Variants in PRRC1 observed in about 807,000 individuals in gnomAD.
The protein encoded by PRRC1 is proline rich coiled-coil 1.
In PRRC1, 39 loss-of-function variants were observed where a neutral mutation model predicts 40.7. The observed-to-expected ratio is 0.96, with a 90% CI of 0.74 to 1.25. The LOEUF (loss-of-function observed/expected upper bound fraction) is 1.25. Among genes scored for constraint, PRRC1 ranks in the 50% most tolerant of loss-of-function variants. The probability of loss-of-function intolerance (pLI) is 0.00; values close to 1 mark genes in which losing one functional copy is unlikely to be tolerated. For synonymous variants in PRRC1, 175 were observed against 193.3 expected, an observed-to-expected ratio of 0.91 and a Z score of 0.79; for missense variants, 573 against 548.3, an observed-to-expected ratio of 1.05 and a Z score of -0.45.
At position 127,553,838 on chromosome 5, in the gene PRRC1, A is replaced by C; in HGVS notation, c.*1922A>C. Reference sequence around the variant, plus strand: ...AATCCCCAAAGAGCAGTGGCAGTCCATGGCTTGGTTGAAGCTAGAAATTTT... The same window carrying C: ...AATCCCCAAAGAGCAGTGGCAGTCCCTGGCTTGGTTGAAGCTAGAAATTTT... On this transcript the variant is annotated 3_prime_UTR_variant, in exon 9 of 9. Transcript: ENST00000296666. 6.5e-7 allele frequency: 1 copy of C among 1,535,872 alleles called. No individual in the cohort carries two copies. The highest frequency in any genetic ancestry group is 8.7e-7 in the Non-Finnish European group (1 of 1,146,712).
chr5:127,533,485 G>C (rs1262246128), intron 5 of PRRC1, 138 bp from the exon 6 acceptor site: 1 of 781,616 alleles, frequency 1.3e-6, no homozygotes, highest in African/African-American at 1.8e-5. Context: ...ATATAAAAAA[G>C]ATAATGATCT....
At chr5:127,526,842 G>A in intron 4 of PRRC1, 64 bp downstream of exon 4, 1 of 1,255,528 alleles carries the variant, frequency 8.0e-7, no homozygotes, top group Non-Finnish European at 1.1e-6. Flanking sequence ...ATTCATTAGA[G>A]AAAATATTGA....
intron 1 of PRRC1, among the ~76,000 whole-genome samples, chr5:127,520,460 A>G (rs969248502): frequency 6.6e-6 from 1 of 152,258 alleles, no homozygotes; most frequent in African/African-American, 2.4e-5. Context: ...ACATTTATAC[A>G]ATGGAATACT....
intron 1 of PRRC1, chr5:127,518,086 CA>C (rs1309255967): frequency 2.6e-5 from 4 of 152,396 alleles, no homozygotes; most frequent in African/African-American, 9.6e-5. Flanking sequence ...AGGACCAAGG[CA>C]GGAGCGCTCT....
At position 127,539,070 on chromosome 5, in the gene PRRC1, C is replaced by T. The variant is rs779630805; in HGVS notation, c.952C>T (p.Arg318Ter). 2.7e-5 allele frequency: 43 copies of T among 1,612,666 alleles called. 1 individual carries two copies. The highest frequency in any genetic ancestry group is 3.3e-5 in the South Asian group (3 of 91,046). Reference sequence around the variant, plus strand: ...TCAGGAACGGATAGATAGCTTGCGTCGAACTGGGGTGATCCATGAAAAACA... The same window carrying T: ...TCAGGAACGGATAGATAGCTTGCGTTGAACTGGGGTGATCCATGAAAAACA... Reference protein sequence around the residue: ...GAQERIDSLRRTGVIHEKQTA... With the variant: ...GAQERIDSLR Residue 318 changes from arginine to a stop codon, truncating the protein, a stop_gained, in exon 7 of 9, where the codon CGA (arginine) becomes TGA (stop). Coordinates refer to ENST00000296666, the MANE Select transcript of PRRC1 (RefSeq NM_130809.5). LOFTEE classifies it high-confidence loss of function.
Position 127,530,492 on chromosome 5 carries a change from T to G in PRRC1, c.757+96T>G, listed in dbSNP as rs986410863. The stretch of plus-strand genomic sequence containing the variant: ...TAATTCTCTGTTCGTTTCCACTGAT[T>G]GTGTAATCAGTGGAAATTCTTATTA... On this transcript the variant is annotated intron_variant, in intron 5 of 8. Coordinates refer to ENST00000296666, the MANE Select transcript of PRRC1 (RefSeq NM_130809.5). 7.2e-5 allele frequency: 48 copies of G among 662,670 alleles called. No homozygotes were observed. The South Asian group carries it at 1.2e-3, about 16-fold the overall frequency. The allele number at this position is 662,670 out of a possible 1,614,324, so 41.0% of individuals were successfully genotyped here.
chr5:127,520,607 G>A (rs1211061003), intron 1 of PRRC1, among the ~76,000 whole-genome samples: 1 of 152,176 alleles, frequency 6.6e-6, no homozygotes, highest in African/African-American at 2.4e-5. Context: ...TTCATGGAAC[G>A]AGAAAGTGAT....
chr5:127,523,488 A>G lies in PRRC1; in HGVS notation c.9A>G (p.Glu3=), dbSNP rs757791937. 6.3e-7 allele frequency: 1 copy of G among 1,599,672 alleles called. No homozygotes were observed. Among genetic ancestry groups the G allele is most frequent in the East Asian group, 2.2e-5 (1 of 44,726 alleles). Residue 3 remains glutamate, a synonymous_variant, in exon 2 of 9, where the codon GAA becomes GAG. Transcript: ENST00000296666. MM[E]ESGIETTPPG... is the part of the protein sequence containing the mutation. Reference sequence around the variant, plus strand: ...ACCATAATTGAAGAAAAATGATGGAAGAGAGTGGAATAGAGACAACACCAC... The same window carrying G: ...ACCATAATTGAAGAAAAATGATGGAGGAGAGTGGAATAGAGACAACACCAC...
rs1432841228 is a variant in PRRC1, at chr5:127,543,432, TG to T, written c.1025+4293del. On this transcript the variant is annotated intron_variant, in intron 7 of 8. Coordinates refer to ENST00000296666, the MANE Select transcript of PRRC1 (RefSeq NM_130809.5). ...TGAATGTTGGCCTGCCTTGCTAGAT[TG>T]GGGAAGTTCTCCTGGATAATATCCT... Among the ~76,000 whole-genome samples the T allele has an allele frequency of 2.6e-5, 4 of 152,156 alleles. No individual in the cohort carries two copies. The East Asian group carries it at 7.7e-4, about 29-fold the overall frequency.
At position 127,530,337 on chromosome 5, in the gene PRRC1, CA is replaced by C. The variant is rs1344701365; in HGVS notation, c.702del (p.Lys234AsnfsTer4). On this transcript the variant is annotated frameshift_variant, in exon 5 of 9. Transcript: ENST00000296666. LOFTEE classifies it high-confidence loss of function. Reference sequence around the variant, plus strand: ...ATGGTGAAGTCTGTGCTTGATAAGACAAAACATTCAGTAGAAAGCATGATTA... The same window carrying C: ...ATGGTGAAGTCTGTGCTTGATAAGACAAACATTCAGTAGAAAGCATGATTA... ...NPMVKSVLDK[T>X]KHSVESMITT... The C allele has an allele frequency of 1.2e-6, 2 of 1,613,710 alleles. No individual in the cohort carries two copies. Among genetic ancestry groups the C allele is most frequent in the Non-Finnish European group, 1.7e-6 (2 of 1,179,896 alleles).
At chr5:127,551,163 C>T (rs1768371292) in intron 8 of PRRC1, 1 of 163,880 alleles carries the variant, frequency 6.1e-6, no homozygotes, top group Non-Finnish European at 1.3e-5. Flanking sequence ...TTCTGTCATT[C>T]CTTTGTAGAT....
chr5:127,525,086 A>G (rs1767583287), intron 3 of PRRC1, among the ~76,000 whole-genome samples, 166 bp downstream of exon 3: 1 of 152,190 alleles, frequency 6.6e-6, no homozygotes, highest in Admixed American at 6.5e-5. Flanking sequence ...CCCTTGTCGC[A>G]ATTTTATAAC....
At chr5:127,542,168 A>T (rs1768067242) in intron 7 of PRRC1, among the ~76,000 whole-genome samples, 1 of 152,032 alleles carries the variant, frequency 6.6e-6, no homozygotes, top group Admixed American at 6.6e-5. Flanking sequence ...TTCAGTTTCC[A>T]CGTAGTTGAG....
intron 7 of PRRC1, among the ~76,000 whole-genome samples, chr5:127,541,654 A>G (rs1480585943): frequency 6.6e-6 from 1 of 151,994 alleles, no homozygotes; most frequent in East Asian, 1.9e-4. Flanking sequence ...TTTCTAGTTT[A>G]TTTGCGTAGA....
At chr5:127,527,807 T>C (rs948623975) in intron 4 of PRRC1, among the ~76,000 whole-genome samples, 1 of 150,942 alleles carries the variant, frequency 6.6e-6, no homozygotes, top group South Asian at 2.1e-4. Context: ...CACTGTTGTA[T>C]GTAAATCTTT....
chr5:127,537,875 A>C (rs765963389), intron 6 of PRRC1, among the ~76,000 whole-genome samples: 1 of 152,000 alleles, frequency 6.6e-6, no homozygotes, highest in Non-Finnish European at 1.5e-5. Flanking sequence ...ACTGCTTTCA[A>C]AATCAACAGG....
chr5:127,553,726 C>T lies in PRRC1; in HGVS notation c.*1810C>T. ...AATTTTTCTTTGATTTTTATTTTAC[C>T]AAGTCACAAATGTCTTTTTGATGTT... On this transcript the variant is annotated 3_prime_UTR_variant, in exon 9 of 9. Coordinates refer to ENST00000296666, the MANE Select transcript of PRRC1 (RefSeq NM_130809.5). 1.5e-5 allele frequency: 23 copies of T among 1,494,256 alleles called. No individual in the cohort carries two copies. Among genetic ancestry groups the T allele is most frequent in the South Asian group, 6.5e-5 (5 of 76,648 alleles). 92.6% of individuals were successfully genotyped at this position (1,494,256 alleles called of 1,614,324 possible).
Position 127,553,730 on chromosome 5 carries a change from T to C in PRRC1, c.*1814T>C. On this transcript the variant is annotated 3_prime_UTR_variant, in exon 9 of 9. Transcript: ENST00000296666. Reference sequence around the variant, plus strand: ...TTTCTTTGATTTTTATTTTACCAAGTCACAAATGTCTTTTTGATGTTTTGA... The same window carrying C: ...TTTCTTTGATTTTTATTTTACCAAGCCACAAATGTCTTTTTGATGTTTTGA... The C allele has an allele frequency of 1.3e-6, 2 of 1,509,428 alleles. No individual in the cohort carries two copies. Among genetic ancestry groups the C allele is most frequent in the Non-Finnish European group, 1.8e-6 (2 of 1,138,176 alleles). The allele number at this position is 1,509,428 out of a possible 1,614,324, so 93.5% of individuals were successfully genotyped here. A position where few individuals can be genotyped will look rare whatever the true frequency, so the allele number is the denominator to read the frequency against.
chr5:127,540,097 A>G (rs1376594280), intron 7 of PRRC1, among the ~76,000 whole-genome samples: 1 of 152,136 alleles, frequency 6.6e-6, no homozygotes, highest in Non-Finnish European at 1.5e-5. Context: ...GATTATATCA[A>G]CTTGGCTGAA....
Sources: allele counts gnomAD v4.1 joint callset (sites outside exome capture counted in the v4.1 genomes callset), GRCh38; gene constraint gnomAD v4.1.1; transcripts MANE v1.5; gene names NCBI Gene and HGNC (gene_info 2026-07-23, HGNC 2026-07-21).